The following MTPN variants were observed in gnomAD, a reference collection of about 807,000 sequenced individuals.
MTPN encodes the protein granule cell differentiation protein.
MTPN carries 2 observed loss-of-function variants against 13.5 expected under a neutral mutation model. The ratio of observed to expected loss-of-function variants is 0.15; its 90% CI spans 0.06 to 0.47. The LOEUF (loss-of-function observed/expected upper bound fraction) is 0.47, where lower values mean the gene tolerates loss of function less well. Among genes scored for constraint, MTPN ranks in the 20% least tolerant of loss-of-function variants. The pLI is 0.97. For synonymous variants in MTPN, 46 were observed against 51.7 expected (o/e 0.89, Z 0.48); for missense variants, 79 against 137.9 (o/e 0.57, Z 2.14).
chr7:135,938,191 G>A (rs1799146742), intron 3 of MTPN, among the ~76,000 whole-genome samples: 1 of 152,120 alleles, frequency 6.6e-6, no homozygotes, highest in Non-Finnish European at 1.5e-5. Context: ...TGAATCCATG[G>A]ATGCAAAACC....
chr7:135,965,626 A>G (rs764000131), intron 1 of MTPN, among the ~76,000 whole-genome samples: 7 of 152,236 alleles, frequency 4.6e-5, no homozygotes, highest in Non-Finnish European at 4.4e-5. Context: ...GTATAGTGTT[A>G]ACAATTCTTG....
intron 3 of MTPN, among the ~76,000 whole-genome samples, chr7:135,937,199 T>C (rs981270794): frequency 6.6e-6 from 1 of 152,200 alleles, no homozygotes; most frequent in Non-Finnish European, 1.5e-5. Flanking sequence ...TGACATTATC[T>C]TGACAAGAGG....
At position 135,946,338 on chromosome 7, in the gene MTPN, TAGTCTAATAAAAGCATCCAGA is replaced by T. The variant is rs560960357; in HGVS notation, c.270+4240_270+4260del. ...ATCTTTTCAAAAATAAGTGCTAGCA[TAGTCTAATAAAAGCATCCAGA>T]AGGATACACACTCACCTTGTAGCAC... On this transcript the variant is annotated intron_variant, in intron 3 of 3. Coordinates refer to ENST00000393085, the MANE Select transcript of MTPN (RefSeq NM_145808.4). Among the ~76,000 whole-genome samples the T allele has an allele frequency of 2.6e-3, 395 of 152,310 alleles. 1 individual carries two copies. Among genetic ancestry groups the T allele is most frequent in the African/African-American group, 9.3e-3 (386 of 41,576 alleles).
rs747939253 is a variant in MTPN at position 135,929,949 on chromosome 7, C to T, written c.334G>A (p.Ala112Thr). Residue 112 changes from alanine to threonine, a missense_variant, in exon 4 of 4, where the codon GCA becomes ACA. By Grantham distance (58) the Ala-to-Thr change is moderately conservative. Coordinates refer to ENST00000393085, the MANE Select transcript of MTPN (RefSeq NM_145808.4). ...CATCACTGGAGAAGAGCTTTGATTG[C>T]CTGGTTGTCAGTGGCTTCAAAGGCG... ...LTAFEATDNQ[A>T]IKALLQ is the part of the protein sequence containing the mutation. 4 of 1,613,950 alleles carry T rather than the reference C, an allele frequency of 2.5e-6. No individual in the cohort carries two copies. The South Asian group carries it at 3.3e-5, about 13-fold the overall frequency.
At chr7:135,973,670 G>T (rs1187077358) in intron 1 of MTPN, among the ~76,000 whole-genome samples, 1 of 152,140 alleles carries the variant, frequency 6.6e-6, no homozygotes, top group East Asian at 1.9e-4. Context: ...TCTTATAGCT[G>T]CTCATGAATA....
intron 3 of MTPN, chr7:135,932,339 C>T (rs1431643797): frequency 1.3e-5 from 2 of 152,204 alleles, no homozygotes; most frequent in African/African-American, 4.8e-5. Flanking sequence ...AGCTCAATCT[C>T]TTCTCAACCT....
Position 135,977,233 on chromosome 7 carries a change from G to T in MTPN, c.-133C>A. The T allele has an allele frequency of 1.1e-6, 1 of 894,926 alleles. No individual in the cohort carries two copies. Among genetic ancestry groups the T allele is most frequent in the Non-Finnish European group, 1.8e-6 (1 of 561,034 alleles). 55.4% of individuals were successfully genotyped at this position (894,926 alleles called of 1,614,324 possible). A position where few individuals can be genotyped will look rare whatever the true frequency, so the allele number is the denominator to read the frequency against. On this transcript the variant is annotated 5_prime_UTR_variant, in exon 1 of 4. Transcript: ENST00000393085. ...AGGAGAAGAAGAGAAGGAGGGTTAG[G>T]CTGCCAGGCGGGCGAGGCAGTTGGC...
intron 1 of MTPN, among the ~76,000 whole-genome samples, chr7:135,965,662 G>T (rs1428741722): frequency 1.3e-5 from 2 of 152,120 alleles, no homozygotes; most frequent in Non-Finnish European, 1.5e-5. Context: ...TGATAGTCAT[G>T]AGAGGTTACA....
At position 135,927,595 on chromosome 7, in the gene MTPN, T is replaced by TA. The variant is rs1295024921; in HGVS notation, c.*2330dup. 1.5e-6 allele frequency: 1 copy of TA among 685,978 alleles called. No individual in the cohort carries two copies. Among genetic ancestry groups the TA allele is most frequent in the South Asian group, 1.6e-5 (1 of 62,220 alleles). 42.5% of individuals were successfully genotyped at this position (685,978 alleles called of 1,614,324 possible). ...CTTCCTTTACTCAAAATATGAACAT[T>TA]AAGTGTTGTGAATTTGTCTGCCAAG... On this transcript the variant is annotated 3_prime_UTR_variant, in exon 4 of 4. Transcript: ENST00000393085.
At chr7:135,934,492 AAGTT>A (rs1316443253) in intron 3 of MTPN, among the ~76,000 whole-genome samples, 1 of 152,190 alleles carries the variant, frequency 6.6e-6, no homozygotes, top group Non-Finnish European at 1.5e-5. Flanking sequence ...AGTAGCCTAA[AAGTT>A]AGTTAGACAC....
intron 1 of MTPN, 72 bp from the exon 2 acceptor site, chr7:135,951,702 T>A: frequency 1.1e-6 from 1 of 926,826 alleles, no homozygotes; most frequent in Non-Finnish European, 1.6e-6. Flanking sequence ...AGGCACCTGA[T>A]ACTTTTACTT....
At chr7:135,972,998 G>A (rs1458573034) in intron 1 of MTPN, among the ~76,000 whole-genome samples, 1 of 151,342 alleles carries the variant, frequency 6.6e-6, no homozygotes, top group Non-Finnish European at 1.5e-5. Flanking sequence ...CTTAGAGAGA[G>A]GCAAGTGTAG....
chr7:135,945,853 T>G (rs1415155752), intron 3 of MTPN, among the ~76,000 whole-genome samples: 1 of 152,176 alleles, frequency 6.6e-6, no homozygotes, highest in African/African-American at 2.4e-5. Flanking sequence ...AGCATCTCCA[T>G]AAGCACACTG....
intron 1 of MTPN, 51 bp downstream of exon 1, chr7:135,976,978 C>T (rs755672227): frequency 2.0e-6 from 3 of 1,492,486 alleles, no homozygotes; most frequent in South Asian, 2.3e-5. Flanking sequence ...TCCTCAGCCT[C>T]ATCTCCAGCC....
intron 1 of MTPN, among the ~76,000 whole-genome samples, chr7:135,965,445 A>G (rs1254058885): frequency 6.6e-6 from 1 of 152,060 alleles, no homozygotes; most frequent in African/African-American, 2.4e-5. Context: ...AATAAAAAAT[A>G]TTTTCTAAGG....
intron 1 of MTPN, among the ~76,000 whole-genome samples, chr7:135,970,583 T>C (rs1005156929): frequency 1.3e-5 from 2 of 152,128 alleles, no homozygotes; most frequent in Non-Finnish European, 2.9e-5. Flanking sequence ...CTTTTTTAAA[T>C]AACAAGCTCA....
intron 1 of MTPN, among the ~76,000 whole-genome samples, chr7:135,966,927 C>T (rs1444562617): frequency 6.6e-6 from 1 of 152,078 alleles, no homozygotes; most frequent in Admixed American, 6.6e-5. Context: ...GAAAAATGCC[C>T]CACTATAAGC....
At position 135,927,520 on chromosome 7, in the gene MTPN, C is replaced by CT. The variant is rs1798939318; in HGVS notation, c.*2405dup. The stretch of plus-strand genomic sequence containing the variant: ...TTACTTCAGTGGAGAACAAAACTTA[C>CT]TTAACCTTTCGCTAATGCATGTAGT... On this transcript the variant is annotated 3_prime_UTR_variant, in exon 4 of 4. Transcript: ENST00000393085. 9.4e-7 allele frequency: 1 copy of CT among 1,059,782 alleles called. No individual in the cohort carries two copies. Among genetic ancestry groups the CT allele is most frequent in the African/African-American group, 1.6e-5 (1 of 62,038 alleles). The allele number at this position is 1,059,782 out of a possible 1,614,324, so 65.6% of individuals were successfully genotyped here.
chr7:135,956,227 CTATA>C (rs1799442156), intron 1 of MTPN, among the ~76,000 whole-genome samples: 1 of 152,172 alleles, frequency 6.6e-6, no homozygotes, highest in African/African-American at 2.4e-5. Flanking sequence ...AGATAGTGCT[CTATA>C]TAGTTCCTTT....
Sources: gnomAD v4.1 joint callset for allele counts (sites outside exome capture counted in the v4.1 genomes callset) on GRCh38, gnomAD v4.1.1 for gene constraint, MANE v1.5 for transcripts, NCBI Gene and HGNC (gene_info 2026-07-23, HGNC 2026-07-21) for gene names.